TNFSF10: variants seen among roughly 807,000 people sequenced by gnomAD.
TNFSF10 encodes tumor necrosis factor ligand superfamily member 10.
A neutral mutation model predicts 29.5 loss-of-function variants in TNFSF10; 13 were observed. The observed-to-expected ratio is 0.44, with a 90% CI of 0.29 to 0.70. The LOEUF is 0.70. TNFSF10 is among the 30% of genes least tolerant of loss of function. TNFSF10 has a pLI of 0.13. For synonymous variants in TNFSF10, 111 were observed against 112.8 expected, an observed-to-expected ratio of 0.98 and a Z score of 0.10; for missense variants, 345 against 330.9, an observed-to-expected ratio of 1.04 and a Z score of -0.33.
At position 172,523,322 on chromosome 3, in the gene TNFSF10, G is replaced by C. The variant is rs777113076; in HGVS notation, c.63C>G (p.Ile21Met). Residue 21 changes from isoleucine (I) to methionine (M), a missense_variant, in exon 1 of 5, where the codon ATC becomes ATG. Ile to Met is a conservative substitution (Grantham distance 10). Transcript: ENST00000241261. ...SLGQTCVLIV[I>M]FTVLLQSLCV... is the part of the protein sequence containing the mutation. ...AGAGAGACTGCAGGAGCACTGTGAA[G>C]ATCACGATCAGCACGCAGGTCTGTC... 2 of 1,614,156 alleles carry C rather than the reference G, an allele frequency of 1.2e-6. No individual in the cohort carries two copies. The highest frequency in any genetic ancestry group is 1.7e-6 in the Non-Finnish European group (2 of 1,179,978).
rs191561145 is a variant in TNFSF10, at chr3:172,522,624, A to G, written c.132+629T>C. On this transcript the variant is annotated intron_variant, in intron 1 of 4. Transcript: ENST00000241261. ...ATTTTATTCCAAACCTTGTTATAAT[A>G]TAAAAAAGGAAGTTTACAAGACATG... Among the ~76,000 whole-genome samples the G allele has an allele frequency of 3.9e-5, 6 of 152,348 alleles. No individual in the cohort carries two copies. The East Asian group carries it at 1.2e-3, about 29-fold the overall frequency.
At chr3:172,507,611 T>C (rs1483518166) in intron 4 of TNFSF10, among the ~76,000 whole-genome samples, 1 of 152,248 alleles carries the variant, frequency 6.6e-6, no homozygotes, top group Non-Finnish European at 1.5e-5. Flanking sequence ...GGTGCAAAAT[T>C]GGGCTTTTCC....
intron 1 of TNFSF10, among the ~76,000 whole-genome samples, chr3:172,522,645 A>C (rs1021721627): frequency 1.3e-5 from 2 of 152,224 alleles, no homozygotes; most frequent in Non-Finnish European, 2.9e-5. Context: ...AGTTTACAAG[A>C]CATGTCATTG....
chr3:172,507,533 A>C (rs1283798316), intron 4 of TNFSF10: 2 of 152,236 alleles, frequency 1.3e-5, no homozygotes, highest in Non-Finnish European at 2.9e-5. Flanking sequence ...TCACACTCAA[A>C]GGTTTTGAAT....
Position 172,506,047 on chromosome 3 carries a change from C to G in TNFSF10, c.*445G>C, listed in dbSNP as rs541341785. The stretch of plus-strand genomic sequence containing the variant: ...GCAAACTGCGATCTTTTAGTGGTGC[C>G]TCTTCTCTCTTTTGACTTAAGGATG... On this transcript the variant is annotated 3_prime_UTR_variant, in exon 5 of 5. Coordinates refer to ENST00000241261, the MANE Select transcript of TNFSF10 (RefSeq NM_003810.4). 1 of 154,686 alleles carries G rather than the reference C, an allele frequency of 6.5e-6. No homozygotes were observed. Among genetic ancestry groups the G allele is most frequent in the East Asian group, 1.9e-4 (1 of 5,238 alleles). The allele number at this position is 154,686 out of a possible 1,614,324, so 9.6% of individuals were successfully genotyped here. A position where few individuals can be genotyped will look rare whatever the true frequency, so the allele number is the denominator to read the frequency against.
chr3:172,509,806 A>C (rs1017536583), intron 3 of TNFSF10, among the ~76,000 whole-genome samples: 3 of 151,986 alleles, frequency 2.0e-5, no homozygotes, highest in Admixed American at 6.6e-5. Context: ...GTGAAACCCC[A>C]TCTCTACTAA....
At chr3:172,518,074 TC>T (rs970558377) in intron 1 of TNFSF10, 50 of 1,004,534 alleles carry the variant, frequency 5.0e-5, no homozygotes, top group Non-Finnish European at 5.6e-5. Flanking sequence ...ACGATACGTC[TC>T]CCCCGCCTCC....
intron 2 of TNFSF10, among the ~76,000 whole-genome samples, chr3:172,512,131 G>A (rs931616918): frequency 1.3e-5 from 2 of 152,144 alleles, no homozygotes; most frequent in African/African-American, 4.8e-5. Context: ...AAGATGCAGG[G>A]CACACTTCCT....
chr3:172,507,553 A>G (rs1355384842), intron 4 of TNFSF10: 1 of 152,116 alleles, frequency 6.6e-6, no homozygotes, highest in Non-Finnish European at 1.5e-5. Flanking sequence ...TGAAAAATGA[A>G]CCTTCCAAAA....
chr3:172,510,257 A>T (rs1288025585), intron 3 of TNFSF10, among the ~76,000 whole-genome samples: 1 of 152,176 alleles, frequency 6.6e-6, no homozygotes, highest in East Asian at 1.9e-4. Context: ...AGAGTTTGAG[A>T]TTAGCCTGGG....
At chr3:172,516,218 C>A (rs935490832) in intron 1 of TNFSF10, among the ~76,000 whole-genome samples, 3 of 148,676 alleles carry the variant, frequency 2.0e-5, no homozygotes, top group Non-Finnish European at 4.4e-5. Flanking sequence ...GAGCTGAGAT[C>A]GTGCCATTGC....
At chr3:172,515,921 GT>G (rs1713411944) in intron 1 of TNFSF10, among the ~76,000 whole-genome samples, 1 of 152,114 alleles carries the variant, frequency 6.6e-6, no homozygotes, top group African/African-American at 2.4e-5. Flanking sequence ...CTTCCGTTTT[GT>G]TTTGTTTTAA....
chr3:172,519,232 G>A (rs1206643295), intron 1 of TNFSF10, among the ~76,000 whole-genome samples: 1 of 152,186 alleles, frequency 6.6e-6, no homozygotes. Context: ...TAATGTACAT[G>A]TGTTCATATG....
chr3:172,512,546 C>G (rs1281643161), intron 2 of TNFSF10, among the ~76,000 whole-genome samples: 1 of 152,210 alleles, frequency 6.6e-6, no homozygotes, highest in Admixed American at 6.5e-5. Flanking sequence ...CCACCGCAAG[C>G]CCTGATGCCG....
chr3:172,517,247 G>A, intron 1 of TNFSF10: 1 of 789,946 alleles, frequency 1.3e-6, no homozygotes, highest in Non-Finnish European at 1.5e-6. Context: ...GGATGGTCGT[G>A]GTGGAGCTTG....
At chr3:172,521,931 A>G (rs1713714306) in intron 1 of TNFSF10, among the ~76,000 whole-genome samples, 1 of 152,234 alleles carries the variant, frequency 6.6e-6, no homozygotes, top group African/African-American at 2.4e-5. Context: ...ATTCTCAGCA[A>G]ACTAACACAG....
At chr3:172,511,501 G>T in intron 3 of TNFSF10, 116 bp downstream of exon 3, 1 of 779,656 alleles carries the variant, frequency 1.3e-6, no homozygotes, top group Non-Finnish European at 2.0e-6. Context: ...ATACGGAGCA[G>T]CAGATCAGAG....
At chr3:172,517,228 G>A (rs1199987174) in intron 1 of TNFSF10, 1 of 680,598 alleles carries the variant, frequency 1.5e-6, no homozygotes, top group Admixed American at 6.3e-5. Context: ...CTGAGGTGGA[G>A]TTTGACAAGG....
intron 3 of TNFSF10, among the ~76,000 whole-genome samples, chr3:172,511,123 G>A (rs983126072): frequency 1.3e-5 from 2 of 152,142 alleles, no homozygotes; most frequent in Non-Finnish European, 2.9e-5. Context: ...GGGTGGTGTG[G>A]CCACAGGTGG....
Sources: gnomAD v4.1 joint callset for allele counts (sites outside exome capture counted in the v4.1 genomes callset) on GRCh38, gnomAD v4.1.1 for gene constraint, MANE v1.5 for transcripts, NCBI Gene and HGNC (gene_info 2026-07-23, HGNC 2026-07-21) for gene names.